PCDH15: variants seen among roughly 807,000 people sequenced by gnomAD.
PCDH15 encodes protocadherin related 15.
PCDH15 carries 129 observed loss-of-function variants against 178.5 expected under a neutral mutation model. The ratio of observed to expected loss-of-function variants is 0.72; its 90% CI spans 0.63 to 0.84. The LOEUF is 0.84. Ranked by LOEUF, PCDH15 falls within the 40% of genes least tolerant of loss-of-function variation. PCDH15 has a pLI of 0.00. For synonymous variants in PCDH15, 800 were observed against 732.0 expected (o/e 1.09, Z -1.50); for missense variants, 2,230 against 2,099.9 (o/e 1.06, Z -1.21).
intron 1 of PCDH15, among the ~76,000 whole-genome samples, chr10:55,303,107 A>G (rs1366050732): frequency 6.6e-6 from 1 of 151,112 alleles, no homozygotes; most frequent in Admixed American, 6.6e-5. Context: ...ATATATATAC[A>G]CACACACACG....
intron 18 of PCDH15, among the ~76,000 whole-genome samples, chr10:54,041,529 C>T (rs1452632886): frequency 6.6e-6 from 1 of 151,900 alleles, no homozygotes; most frequent in Non-Finnish European, 1.5e-5. Flanking sequence ...CAGTGATAAA[C>T]CTAAGTAATA....
intron 2 of PCDH15, among the ~76,000 whole-genome samples, chr10:55,058,903 G>T (rs1841367505): frequency 6.6e-6 from 1 of 152,148 alleles, no homozygotes; most frequent in Non-Finnish European, 1.5e-5. Flanking sequence ...ATAAATGTTT[G>T]ATTCCCAGAG....
intron 14 of PCDH15, among the ~76,000 whole-genome samples, chr10:54,152,364 C>T (rs2044623261): frequency 6.6e-6 from 1 of 151,942 alleles, no homozygotes; most frequent in Non-Finnish European, 1.5e-5. Flanking sequence ...TAGACTTCTT[C>T]TACAGTTTTA....
chr10:54,066,672 CTGAG>C, intron 18 of PCDH15, 81 bp downstream of exon 18: 1 of 1,375,680 alleles, frequency 7.3e-7, no homozygotes, highest in Non-Finnish European at 1.0e-6. Context: ...ATTACATTAG[CTGAG>C]TTTCTTTTGA....
chr10:55,493,838 T>G (rs1399706672), intron 2 of PCDH15, among the ~76,000 whole-genome samples: 1 of 151,860 alleles, frequency 6.6e-6, no homozygotes, highest in South Asian at 2.1e-4. Context: ...CAAAGAGTCA[T>G]GGAAAAGTTA....
At chr10:55,565,780 C>G (rs1036668268) in intron 2 of PCDH15, among the ~76,000 whole-genome samples, 1 of 151,528 alleles carries the variant, frequency 6.6e-6, no homozygotes, top group African/African-American at 2.4e-5. Flanking sequence ...CTTACCAACA[C>G]TAAATAATGA....
intron 2 of PCDH15, among the ~76,000 whole-genome samples, chr10:54,978,332 T>C (rs959681428): frequency 6.6e-6 from 1 of 152,050 alleles, no homozygotes; most frequent in Non-Finnish European, 1.5e-5. Context: ...ACAATATGAG[T>C]AGACTATGTA....
At chr10:55,032,076 C>T (rs1167181694) in intron 2 of PCDH15, among the ~76,000 whole-genome samples, 1 of 152,082 alleles carries the variant, frequency 6.6e-6, no homozygotes, top group East Asian at 1.9e-4. Flanking sequence ...GGGGATCTAC[C>T]AAGGGCTCAG....
At chr10:54,390,390 T>C (rs1401933618) in intron 3 of PCDH15, among the ~76,000 whole-genome samples, 1 of 152,158 alleles carries the variant, frequency 6.6e-6, no homozygotes, top group Non-Finnish European at 1.5e-5. Flanking sequence ...CCTCTGGGGT[T>C]CACGCCATTC....
At chr10:53,970,446 C>T (rs1301757254) in intron 21 of PCDH15, among the ~76,000 whole-genome samples, 11 of 151,880 alleles carry the variant, frequency 7.2e-5, no homozygotes, top group Non-Finnish European at 2.9e-5. Context: ...CAGAGCAGAA[C>T]TGAAGGAGAC....
At chr10:54,648,349 A>T (rs919076455) in intron 2 of PCDH15, among the ~76,000 whole-genome samples, 3 of 152,088 alleles carry the variant, frequency 2.0e-5, no homozygotes, top group Non-Finnish European at 4.4e-5. Context: ...CAAAAATGTG[A>T]CATTTGAAGA....
chr10:54,643,806 T>A (rs2094053125), intron 2 of PCDH15, among the ~76,000 whole-genome samples: 1 of 151,382 alleles, frequency 6.6e-6, no homozygotes, highest in Non-Finnish European at 1.5e-5. Flanking sequence ...CTGGTTCATT[T>A]TTTTTAAAAT....
chr10:55,020,704 A>G (rs10825436), intron 2 of PCDH15, among the ~76,000 whole-genome samples: 9,159 of 152,194 alleles, frequency 0.06, 380 homozygotes, highest in African/African-American at 0.11. Context: ...AGATGGCTAC[A>G]AGATGAAAGG....
chr10:54,105,277 GAT>G (rs55696020), intron 15 of PCDH15, among the ~76,000 whole-genome samples: 15,455 of 89,596 alleles, frequency 0.17, 1,456 homozygotes, highest in Non-Finnish European at 0.24. Flanking sequence ...TATAGATGGA[GAT>G]ATATATATAT....
At chr10:54,423,186 G>T (rs1417372859) in intron 3 of PCDH15, among the ~76,000 whole-genome samples, 1 of 152,012 alleles carries the variant, frequency 6.6e-6, no homozygotes, top group East Asian at 1.9e-4. Flanking sequence ...TACAGTCAGG[G>T]ATTGACTTAC....
intron 8 of PCDH15, among the ~76,000 whole-genome samples, chr10:54,261,923 G>A (rs185173948): frequency 6.6e-5 from 10 of 152,214 alleles, no homozygotes; most frequent in Non-Finnish European, 1.0e-4. Context: ...TTGATACAGA[G>A]GTGACACAGA....
intron 1 of PCDH15, among the ~76,000 whole-genome samples, chr10:54,694,415 G>T (rs754056400): frequency 6.6e-6 from 1 of 152,012 alleles, no homozygotes; most frequent in Non-Finnish European, 1.5e-5. Flanking sequence ...GGAATAAATA[G>T]AACAATACAG....
chr10:54,052,541 G>A (rs917653289), intron 18 of PCDH15, among the ~76,000 whole-genome samples: 7 of 152,230 alleles, frequency 4.6e-5, no homozygotes, highest in African/African-American at 1.2e-4. Context: ...TTTATCCTAC[G>A]CCTGTACCCT....
At chr10:54,346,151 A>G (rs891306237) in intron 6 of PCDH15, among the ~76,000 whole-genome samples, 2 of 152,200 alleles carry the variant, frequency 1.3e-5, no homozygotes, top group African/African-American at 4.8e-5. Flanking sequence ...CTATGAATAT[A>G]TTTTAAACCT....
Sources: allele counts gnomAD v4.1 joint callset (sites outside exome capture counted in the v4.1 genomes callset), GRCh38; gene constraint gnomAD v4.1.1; transcripts MANE v1.5; gene names NCBI Gene and HGNC (gene_info 2026-07-23, HGNC 2026-07-21).